Variants in PCDH15 observed in about 807,000 individuals in gnomAD.
PCDH15 encodes the protein protocadherin related 15.
PCDH15 carries 129 observed loss-of-function variants against 178.5 expected under a neutral mutation model. The observed-to-expected ratio is 0.72, with a 90% CI of 0.63 to 0.84. PCDH15 has a LOEUF of 0.84. Among genes scored for constraint, PCDH15 ranks in the 40% least tolerant of loss-of-function variants. The pLI is 0.00. For synonymous variants in PCDH15, 800 were observed against 732.0 expected, an observed-to-expected ratio of 1.09 and a Z score of -1.50; for missense variants, 2,230 against 2,099.9, an observed-to-expected ratio of 1.06 and a Z score of -1.21.
chr10:53,959,624 C>G, intron 23 of PCDH15, 108 bp downstream of exon 23: 1 of 822,924 alleles, frequency 1.2e-6, no homozygotes, highest in South Asian at 1.6e-5. Context: ...ACGCCTAAAC[C>G]AAAATTGGAA....
At chr10:54,758,043 T>C (rs184551505) in intron 1 of PCDH15, among the ~76,000 whole-genome samples, 9 of 152,260 alleles carry the variant, frequency 5.9e-5, no homozygotes, top group Admixed American at 5.9e-4. Flanking sequence ...AGTAGAATAT[T>C]AATAAGAATA....
chr10:55,491,380 A>G (rs549684894), intron 2 of PCDH15, among the ~76,000 whole-genome samples: 5 of 151,812 alleles, frequency 3.3e-5, no homozygotes, highest in African/African-American at 1.2e-4. Flanking sequence ...GTGAGATTCT[A>G]CATCAGTCAC....
chr10:55,471,281 T>G (rs1311329632), intron 2 of PCDH15, among the ~76,000 whole-genome samples: 1 of 152,224 alleles, frequency 6.6e-6, no homozygotes, highest in Non-Finnish European at 1.5e-5. Context: ...GTTGTGCTCT[T>G]TTAGTTTATT....
intron 24 of PCDH15, among the ~76,000 whole-genome samples, chr10:53,939,859 G>A (rs758931177): frequency 1.4e-4 from 22 of 152,074 alleles, no homozygotes; most frequent in Admixed American, 2.0e-4. Flanking sequence ...AAAAGAGAAA[G>A]TTTCGGGACG....
In PCDH15 at chr10:55,044,283, C is replaced by G. The variant is rs1457117127; in HGVS notation, c.-80+122293G>C. On this transcript the variant is annotated intron_variant, in intron 2 of 5. Transcript: ENST00000458638. The stretch of plus-strand genomic sequence containing the variant: ...TTCACCTAACCAGTTTTTAAGTTTA[C>G]AAATCTATTCTGTGTATGCAGTTAT... Among the ~76,000 whole-genome samples the G allele has an allele frequency of 2.0e-5, 3 of 152,078 alleles. No homozygotes were observed. The East Asian group carries it at 5.8e-4, about 29-fold the overall frequency.
chr10:55,106,630 G>A (rs2132051466), intron 2 of PCDH15, among the ~76,000 whole-genome samples: 1 of 152,146 alleles, frequency 6.6e-6, no homozygotes, highest in Admixed American at 6.6e-5. Context: ...TGGCCAGGCT[G>A]GTCTCGAACT....
chr10:54,491,202 C>A (rs925953291), intron 3 of PCDH15, among the ~76,000 whole-genome samples: 3 of 151,560 alleles, frequency 2.0e-5, no homozygotes, highest in Admixed American at 1.3e-4. Flanking sequence ...AAGTTCAAAG[C>A]TGAAGATTGA....
intron 2 of PCDH15, among the ~76,000 whole-genome samples, chr10:55,160,742 C>T (rs1450883926): frequency 6.6e-5 from 10 of 152,158 alleles, no homozygotes; most frequent in Non-Finnish European, 8.8e-5. Context: ...GCTACCATCG[C>T]CACCTCCTTT....
chr10:54,263,983 C>A (rs959004928), intron 8 of PCDH15, among the ~76,000 whole-genome samples: 2 of 152,108 alleles, frequency 1.3e-5, no homozygotes, highest in Admixed American at 6.5e-5. Context: ...ATCTTTATCC[C>A]ATGCTGGATG....
chr10:55,319,346 A>G (rs1470380532), intron 1 of PCDH15, among the ~76,000 whole-genome samples: 3 of 152,204 alleles, frequency 2.0e-5, no homozygotes, highest in Non-Finnish European at 4.4e-5. Context: ...TCAATTGTTA[A>G]CATAAATGGA....
At chr10:54,236,054 A>C (rs1210480116) in intron 9 of PCDH15, among the ~76,000 whole-genome samples, 1 of 152,212 alleles carries the variant, frequency 6.6e-6, no homozygotes, top group African/African-American at 2.4e-5. Flanking sequence ...GTAAGAGGAC[A>C]GAAAGGGGTT....
intron 13 of PCDH15, among the ~76,000 whole-genome samples, chr10:54,171,965 C>T (rs557986602): frequency 0.014 from 2,089 of 151,238 alleles, 47 homozygotes; most frequent in African/African-American, 0.048. Flanking sequence ...ATCGCCCATT[C>T]TCTCTCCATA....
At chr10:54,887,351 AT>A (rs1233718502) in intron 3 of PCDH15, among the ~76,000 whole-genome samples, 1 of 152,136 alleles carries the variant, frequency 6.6e-6, no homozygotes, top group Non-Finnish European at 1.5e-5. Context: ...TATAGTGTTT[AT>A]TTTGTATAGC....
chr10:53,888,359 C>CATATATATACGTAT (rs2081296009), intron 26 of PCDH15, among the ~76,000 whole-genome samples: 3 of 107,146 alleles, frequency 2.8e-5, no homozygotes, highest in Admixed American at 1.0e-4. Context: ...CGTATATATA[C>CATATATATACGTAT]ATATATATAT....
At chr10:55,283,214 C>T (rs919928469) in intron 1 of PCDH15, among the ~76,000 whole-genome samples, 7 of 152,038 alleles carry the variant, frequency 4.6e-5, no homozygotes, top group Admixed American at 2.0e-4. Flanking sequence ...CTGGCACCAC[C>T]CAGTTCAATA....
intron 18 of PCDH15, among the ~76,000 whole-genome samples, chr10:54,055,617 A>C (rs1041492676): frequency 6.6e-6 from 1 of 152,144 alleles, no homozygotes; most frequent in African/African-American, 2.4e-5. Flanking sequence ...ACTCCTACAA[A>C]GGCCAGACAC....
At chr10:54,099,970 A>T (rs1033969981) in intron 15 of PCDH15, among the ~76,000 whole-genome samples, 6 of 152,180 alleles carry the variant, frequency 3.9e-5, no homozygotes, top group African/African-American at 1.2e-4. Flanking sequence ...CTAAATCATA[A>T]AATGAAATAA....
intron 2 of PCDH15, among the ~76,000 whole-genome samples, chr10:55,337,519 A>T (rs891723259): frequency 2.6e-5 from 4 of 152,202 alleles, no homozygotes; most frequent in Admixed American, 6.5e-5. Context: ...AAGGAATCGG[A>T]TATTAACTGT....
chr10:55,438,871 A>G (rs907531449), intron 2 of PCDH15, among the ~76,000 whole-genome samples: 1 of 150,916 alleles, frequency 6.6e-6, no homozygotes, highest in African/African-American at 2.4e-5. Context: ...AAAAATAATA[A>G]TACTAATTAT....
Sources: gnomAD v4.1 joint callset for allele counts (sites outside exome capture counted in the v4.1 genomes callset) on GRCh38, gnomAD v4.1.1 for gene constraint, MANE v1.5 for transcripts, NCBI Gene and HGNC (gene_info 2026-07-23, HGNC 2026-07-21) for gene names.